Variants in ATP2A2 observed in about 807,000 individuals in gnomAD.
ATP2A2 encodes ATPase sarcoplasmic/endoplasmic reticulum Ca2+ transporting 2, also known as sarcoplasmic/endoplasmic reticulum calcium ATPase 2.
In ATP2A2, 14 loss-of-function variants were observed where a neutral mutation model predicts 109.3. The ratio of observed to expected loss-of-function variants is 0.13; its 90% CI spans 0.08 to 0.20. The LOEUF (loss-of-function observed/expected upper bound fraction) is 0.20. Ranked by LOEUF, ATP2A2 falls within the 10% of genes least tolerant of loss-of-function variation. ATP2A2 has a pLI of 1.00. For missense variants in ATP2A2, 657 were observed against 1,321.6 expected (o/e 0.50, Z 7.80); for synonymous variants, 506 against 490.9 (o/e 1.03, Z -0.41).
At position 110,346,512 on chromosome 12, in the gene ATP2A2, A is replaced by G; in HGVS notation, c.*42A>G. On this transcript the variant is annotated 3_prime_UTR_variant, in exon 20 of 20. Transcript: ENST00000539276. ...AAGAAGATGTTTAACTTAATCAATT[A>G]ATTTTTTTATTGTTTAAAGCAACTG... 1.2e-6 allele frequency: 2 copies of G among 1,611,834 alleles called. No individual in the cohort carries two copies. Among genetic ancestry groups the G allele is most frequent in the Non-Finnish European group, 1.7e-6 (2 of 1,179,230 alleles).
Position 110,284,107 on chromosome 12 carries a change from G to A in ATP2A2, c.219+1312G>A, listed in dbSNP as rs146198656. 6.9e-3 allele frequency among the ~76,000 whole-genome samples: 1,046 copies of A among 152,220 alleles called. 1 individual carries two copies. The highest frequency in any genetic ancestry group is 9.5e-3 in the Non-Finnish European group (643 of 68,026). ...ATTGATTAAAATGGGGACTTACATA[G>A]CAAACCATTCAGCATTCTGAGTCAG... On this transcript the variant is annotated intron_variant, in intron 3 of 19. Coordinates refer to ENST00000539276, the MANE Select transcript of ATP2A2 (RefSeq NM_170665.4).
At position 110,340,931 on chromosome 12, in the gene ATP2A2, T is replaced by G; in HGVS notation, c.2034T>G (p.Val678=). The G allele has an allele frequency of 6.2e-7, 1 of 1,614,230 alleles. No individual in the cohort carries two copies. Among genetic ancestry groups the G allele is most frequent in the Non-Finnish European group, 8.5e-7 (1 of 1,180,044 alleles). Residue 678 remains valine, a synonymous_variant, in exon 14 of 20, where the codon GTT becomes GTG. Coordinates refer to ENST00000539276, the MANE Select transcript of ATP2A2 (RefSeq NM_170665.4). This position sits in a 1 kb window ranked among gnomAD's most constrained non-coding sequence, Gnocchi z 6.0. ...ACLNARCFAR[V]EPSHKSKIVE... The stretch of plus-strand genomic sequence containing the variant: ...TGAACGCCCGCTGTTTTGCTCGAGT[T>G]GAACCCTCCCACAAGTCTAAAATCG...
At chr12:110,324,065 T>A (rs1877519821) in intron 6 of ATP2A2, among the ~76,000 whole-genome samples, 2 of 152,220 alleles carry the variant, frequency 1.3e-5, no homozygotes. Context: ...CCCGTTTTTG[T>A]GTGATAAAAG....
chr12:110,349,832 C>A lies in ATP2A2; in HGVS notation c.*3362C>A. The A allele has an allele frequency of 9.6e-7, 1 of 1,045,488 alleles. No individual in the cohort carries two copies. The highest frequency in any genetic ancestry group is 1.2e-6 in the Non-Finnish European group (1 of 865,968). 64.8% of individuals were successfully genotyped at this position (1,045,488 alleles called of 1,614,324 possible). A position where few individuals can be genotyped will look rare whatever the true frequency, so the allele number is the denominator to read the frequency against. ...CCCTCCTTTACTGAGGAGAATGATG[C>A]GGAGGAGTTTCCTCTCCAGGGCTAG... On this transcript the variant is annotated 3_prime_UTR_variant, in exon 20 of 20. Coordinates refer to ENST00000539276, the MANE Select transcript of ATP2A2 (RefSeq NM_170665.4).
At chr12:110,319,446 C>T (rs778655190) in intron 5 of ATP2A2, among the ~76,000 whole-genome samples, 2 of 151,430 alleles carry the variant, frequency 1.3e-5, no homozygotes, top group South Asian at 4.1e-4. Flanking sequence ...GTTCCTCTAG[C>T]ATTTGACATT....
In ATP2A2 at chr12:110,294,919, A is replaced by G. The variant is rs562016755; in HGVS notation, c.325-1680A>G. 5.0e-4 allele frequency among the ~76,000 whole-genome samples: 76 copies of G among 152,076 alleles called. 1 individual carries two copies. The highest frequency in any genetic ancestry group is 1.8e-3 in the African/African-American group (74 of 41,522). Reference sequence around the variant, plus strand: ...ACTGCAGCCTCCACCTCCCGGACTCAAGAGATTCTCCCACCTCAGTCTCCC... The same window carrying G: ...ACTGCAGCCTCCACCTCCCGGACTCGAGAGATTCTCCCACCTCAGTCTCCC... On this transcript the variant is annotated intron_variant, in intron 4 of 19. Coordinates refer to ENST00000539276, the MANE Select transcript of ATP2A2 (RefSeq NM_170665.4).
In ATP2A2 at chr12:110,339,721, G is replaced by A. The variant is rs1290201409; in HGVS notation, c.1761G>A (p.Glu587=). The A allele has an allele frequency of 6.2e-7, 1 of 1,613,536 alleles. No homozygotes were observed. ...LEDSANFIKY[E]TNLTFVGCVG... ...ACTCTGCCAACTTTATTAAATATGA[G>A]GTTAGCTAATGAAAAGTTTCTTTGT... The change falls in exon 13 of 20, where the codon GAG becomes GAA. Residue 587 remains glutamate (E), a splice_region_variant and synonymous_variant. Coordinates refer to ENST00000539276, the MANE Select transcript of ATP2A2 (RefSeq NM_170665.4). The surrounding 1 kb of genome is among the most constrained non-coding windows in gnomAD (Gnocchi z 4.4).
At chr12:110,296,442 T>C in intron 4 of ATP2A2, 157 bp from the exon 5 acceptor site, 1 of 935,610 alleles carries the variant, frequency 1.1e-6, no homozygotes, top group Non-Finnish European at 1.7e-6. Context: ...TAAATGTCCT[T>C]GTGTCTGTTG....
intron 5 of ATP2A2, among the ~76,000 whole-genome samples, chr12:110,315,886 CTGAG>C (rs1876612131): frequency 1.3e-5 from 2 of 152,202 alleles, no homozygotes; most frequent in East Asian, 3.9e-4. Flanking sequence ...TTGCAGTGAG[CTGAG>C]ATCACGCCAC....
At chr12:110,292,488 T>A (rs1163002850) in intron 4 of ATP2A2, among the ~76,000 whole-genome samples, 1 of 152,068 alleles carries the variant, frequency 6.6e-6, no homozygotes, top group Non-Finnish European at 1.5e-5. Flanking sequence ...AGGCTGGTCT[T>A]GAGCTCCTGA....
chr12:110,347,258 T>G lies in ATP2A2; in HGVS notation c.*788T>G. On this transcript the variant is annotated 3_prime_UTR_variant, in exon 20 of 20. Transcript: ENST00000539276. ...GTAACAGACATTGTTTTGCCAACAT[T>G]GCCTATTTCAGTGGCACGTCATCTA... 1 of 1,230,700 alleles carries G rather than the reference T, an allele frequency of 8.1e-7. No homozygotes were observed. Among genetic ancestry groups the G allele is most frequent in the Non-Finnish European group, 1.0e-6 (1 of 960,482 alleles). 76.2% of individuals were successfully genotyped at this position (1,230,700 alleles called of 1,614,324 possible).
In ATP2A2 at chr12:110,332,688, GA is replaced by G; in HGVS notation, c.1184+4del. 6.3e-7 allele frequency: 1 copy of G among 1,599,616 alleles called. No individual in the cohort carries two copies. Reference sequence around the variant, plus strand: ...ACTTATGCACCTATTGGAGAAGTGTGAGTAACCCTCCTCCTCATTTAAAGGA... The same window carrying G: ...ACTTATGCACCTATTGGAGAAGTGTGGTAACCCTCCTCCTCATTTAAAGGA... On this transcript the variant is annotated splice_donor_region_variant and intron_variant, in intron 9 of 19. Transcript: ENST00000539276.
chr12:110,300,114 T>TGTCCC (rs1874416331), intron 5 of ATP2A2, among the ~76,000 whole-genome samples: 1 of 87,898 alleles, frequency 1.1e-5, no homozygotes, highest in Non-Finnish European at 2.2e-5. Context: ...TTCCTCCCCC[T>TGTCCC]TTCCCTCCCC....
At chr12:110,345,043 G>GTATCTATCAAATCATCT (rs1348039104) in intron 17 of ATP2A2, 72 bp downstream of exon 17, 1 of 1,541,046 alleles carries the variant, frequency 6.5e-7, no homozygotes, top group Non-Finnish European at 9.0e-7. Context: ...TGTGGTTTCG[G>GTATCTATCAAATCATCT]TATCTATCAA....
At chr12:110,286,111 A>G (rs1482793786) in intron 3 of ATP2A2, among the ~76,000 whole-genome samples, 1 of 151,752 alleles carries the variant, frequency 6.6e-6, no homozygotes, top group Non-Finnish European at 1.5e-5. Context: ...TTTAGTAGAG[A>G]TGGGGTTTAC....
intron 16 of ATP2A2, 98 bp downstream of exon 16, chr12:110,343,532 C>A: frequency 2.2e-6 from 3 of 1,373,956 alleles, no homozygotes; most frequent in Non-Finnish European, 2.0e-6. Context: ...TTTCTTCTAT[C>A]CCCGTATAGG....
At chr12:110,336,619 A>G (rs151254354) in intron 11 of ATP2A2, among the ~76,000 whole-genome samples, 129 of 152,320 alleles carry the variant, frequency 8.5e-4, no homozygotes, top group East Asian at 2.9e-3. Context: ...CATGACCTGT[A>G]TGGCGTGGTC....
intron 4 of ATP2A2, among the ~76,000 whole-genome samples, chr12:110,293,470 C>CT (rs1176827945): frequency 1.3e-5 from 2 of 149,868 alleles, no homozygotes; most frequent in East Asian, 4.0e-4. Context: ...TCTTGGCTCA[C>CT]TGCAACCTCC....
intron 5 of ATP2A2, among the ~76,000 whole-genome samples, chr12:110,319,148 G>A (rs1398999999): frequency 2.1e-5 from 3 of 145,298 alleles, no homozygotes; most frequent in Non-Finnish European, 4.5e-5. Flanking sequence ...GTTCAAGGCT[G>A]TAGTTCACCG....
Sources: allele counts gnomAD v4.1 joint callset (sites outside exome capture counted in the v4.1 genomes callset), GRCh38; gene constraint gnomAD v4.1.1; non-coding constraint Gnocchi (gnomAD v3.1); transcripts MANE v1.5; gene names NCBI Gene and HGNC (gene_info 2026-07-23, HGNC 2026-07-21).